Variants in NRXN1 observed in about 807,000 individuals in gnomAD.
NRXN1 encodes the protein neurexin-1.
Under a neutral mutation model 150.9 loss-of-function variants are expected in NRXN1, and 39 were observed. The ratio of observed to expected loss-of-function variants is 0.26; its 90% CI spans 0.20 to 0.34. The LOEUF is 0.34. Ranked by LOEUF, NRXN1 falls within the 10% of genes least tolerant of loss-of-function variation. NRXN1 has a pLI of 1.00. For synonymous variants in NRXN1, 924 were observed against 757.0 expected (o/e 1.22, Z -3.62); for missense variants, 1,815 against 1,949.9 (o/e 0.93, Z 1.30).
At position 50,150,339 on chromosome 2, in the gene NRXN1, A is replaced by G. The variant is rs17040007; in HGVS notation, c.3547-58845T>C. On this transcript the variant is annotated intron_variant, in intron 18 of 22. Coordinates refer to ENST00000401669, the MANE Select transcript of NRXN1 (RefSeq NM_001330078.2). ...ACTTGCAATGAACACTAACACTTATAAAGACAGCACAGTCCACATTCTTGC... is the reference window on the plus strand; with the variant it reads ...ACTTGCAATGAACACTAACACTTATGAAGACAGCACAGTCCACATTCTTGC... Among the ~76,000 whole-genome samples the G allele has an allele frequency of 1.0e-3, 156 of 151,936 alleles. 5 individuals carry two copies. The East Asian group carries it at 0.028, about 27-fold the overall frequency.
At chr2:50,674,761 G>A (rs146761651) in intron 5 of NRXN1, among the ~76,000 whole-genome samples, 1 of 152,108 alleles carries the variant, frequency 6.6e-6, no homozygotes, top group African/African-American at 2.4e-5. Flanking sequence ...TCAACACAGG[G>A]TGAAAATAAA....
chr2:50,347,138 C>T lies in NRXN1; in HGVS notation c.3365-110168G>A, dbSNP rs201329552. On this transcript the variant is annotated intron_variant, in intron 17 of 22. Coordinates refer to ENST00000401669, the MANE Select transcript of NRXN1 (RefSeq NM_001330078.2). This position sits in a 1 kb window ranked among gnomAD's most constrained non-coding sequence, Gnocchi z 4.9. Reference sequence around the variant, plus strand: ...GTCCTGGAGTCCGCCGTGCCTAGCACCCCAAACAATCCGAAACATAGCCGA... The same window carrying T: ...GTCCTGGAGTCCGCCGTGCCTAGCATCCCAAACAATCCGAAACATAGCCGA... 8.7e-6 allele frequency: 12 copies of T among 1,383,026 alleles called. No individual in the cohort carries two copies. Among genetic ancestry groups the T allele is most frequent in the East Asian group, 8.3e-5 (2 of 24,092 alleles). The allele number at this position is 1,383,026 out of a possible 1,614,324, so 85.7% of individuals were successfully genotyped here.
intron 5 of NRXN1, among the ~76,000 whole-genome samples, chr2:50,702,863 A>T (rs1258250461): frequency 2.0e-5 from 3 of 152,118 alleles, no homozygotes; most frequent in African/African-American, 7.2e-5. Flanking sequence ...ACAGTAACAG[A>T]CAAGTTTTTT....
At chr2:50,177,115 A>C (rs1410048453) in intron 18 of NRXN1, among the ~76,000 whole-genome samples, 1 of 152,130 alleles carries the variant, frequency 6.6e-6, no homozygotes, top group East Asian at 1.9e-4. Flanking sequence ...AGTTTTAGAA[A>C]ATTTTAGATG....
intron 5 of NRXN1, among the ~76,000 whole-genome samples, chr2:50,749,160 A>G (rs556238217): frequency 6.6e-6 from 1 of 152,276 alleles, no homozygotes; most frequent in South Asian, 2.1e-4. Context: ...AAACATCTAC[A>G]TTAATATACA....
chr2:50,006,342 G>A (rs1684765454), intron 21 of NRXN1, among the ~76,000 whole-genome samples: 1 of 152,104 alleles, frequency 6.6e-6, no homozygotes, highest in South Asian at 2.1e-4. Context: ...GTCAGCTGGT[G>A]AAGTCATTTT....
At chr2:50,746,846 T>C (rs1700085478) in intron 5 of NRXN1, among the ~76,000 whole-genome samples, 1 of 152,022 alleles carries the variant, frequency 6.6e-6, no homozygotes. Context: ...AGAAGGACCG[T>C]TTCAAGAGCT....
intron 17 of NRXN1, among the ~76,000 whole-genome samples, chr2:50,437,846 A>T (rs2085580485): frequency 6.6e-6 from 1 of 152,222 alleles, no homozygotes; most frequent in Admixed American, 6.5e-5. Flanking sequence ...CCTCTGAGCC[A>T]GAAACTGCTC....
intron 17 of NRXN1, among the ~76,000 whole-genome samples, chr2:50,377,572 A>G (rs2080609797): frequency 6.6e-6 from 1 of 152,112 alleles, no homozygotes; most frequent in Non-Finnish European, 1.5e-5. Context: ...AGTTGGGACT[A>G]GTTGATCTCC....
At chr2:50,954,988 T>A (rs1364441229) in intron 2 of NRXN1, among the ~76,000 whole-genome samples, 9 of 151,948 alleles carry the variant, frequency 5.9e-5, no homozygotes, top group Non-Finnish European at 8.8e-5. Flanking sequence ...ACACATGGGG[T>A]GCAGCAGGTG....
chr2:50,967,169 G>C (rs571830314), intron 2 of NRXN1, among the ~76,000 whole-genome samples: 1 of 151,918 alleles, frequency 6.6e-6, no homozygotes, highest in East Asian at 1.9e-4. Context: ...GTGGCCTTTT[G>C]TTAATGCTAC....
chr2:50,576,981 A>G, intron 8 of NRXN1, among the ~76,000 whole-genome samples: 1 of 152,140 alleles, frequency 6.6e-6, no homozygotes. Flanking sequence ...TTTTAATGAT[A>G]AGCTCCTGGT....
At chr2:50,047,071 C>G (rs768224242) in intron 21 of NRXN1, among the ~76,000 whole-genome samples, 5 of 151,990 alleles carry the variant, frequency 3.3e-5, no homozygotes, top group Non-Finnish European at 4.4e-5. Flanking sequence ...TTTGCATTTT[C>G]AAAAGGATAG....
intron 19 of NRXN1, among the ~76,000 whole-genome samples, chr2:50,073,856 T>C (rs993355378): frequency 1.1e-4 from 17 of 152,314 alleles, no homozygotes; most frequent in African/African-American, 4.1e-4. Context: ...ATTAGTTTGA[T>C]ATTTTATCGA....
intron 9 of NRXN1, among the ~76,000 whole-genome samples, chr2:50,540,570 T>C (rs1193282712): frequency 3.9e-5 from 6 of 152,158 alleles, no homozygotes. Context: ...AGAAAGAGTG[T>C]CTTTTAATGA....
intron 8 of NRXN1, among the ~76,000 whole-genome samples, chr2:50,553,421 G>C (rs1408252441): frequency 1.3e-5 from 2 of 152,070 alleles, no homozygotes; most frequent in African/African-American, 2.4e-5. Context: ...TAAGCACTGA[G>C]GTTATTCAGT....
In NRXN1 at chr2:50,258,438, T is replaced by A. The variant is rs988114342; in HGVS notation, c.3365-21468A>T. Among the ~76,000 whole-genome samples the A allele has an allele frequency of 6.6e-5, 10 of 152,160 alleles. No individual in the cohort carries two copies. The South Asian group carries it at 2.1e-3, about 32-fold the overall frequency. The stretch of plus-strand genomic sequence containing the variant: ...CAACTTCTCATTTGTTCAAGTTTTA[T>A]CATGAGATTGCAGCAATTCAGTCAC... On this transcript the variant is annotated intron_variant, in intron 17 of 22. Transcript: ENST00000401669.
chr2:50,451,359 A>C (rs1349729325), intron 17 of NRXN1, among the ~76,000 whole-genome samples: 1 of 152,138 alleles, frequency 6.6e-6, no homozygotes, highest in Non-Finnish European at 1.5e-5. Flanking sequence ...GAAATGCTCC[A>C]TTTTCTACTT....
intron 21 of NRXN1, among the ~76,000 whole-genome samples, chr2:50,000,016 A>T (rs1378659105): frequency 6.6e-6 from 1 of 152,188 alleles, no homozygotes; most frequent in African/African-American, 2.4e-5. Context: ...TAATACTCTC[A>T]CATTGGGTGA....
Sources: gnomAD v4.1 joint callset for allele counts (sites outside exome capture counted in the v4.1 genomes callset) on GRCh38, gnomAD v4.1.1 for gene constraint, Gnocchi (gnomAD v3.1) non-coding constraint, MANE v1.5 for transcripts, NCBI Gene and HGNC (gene_info 2026-07-23, HGNC 2026-07-21) for gene names.